The following SH2D4B variants were observed in gnomAD, a reference collection of about 807,000 sequenced individuals.
SH2D4B encodes the protein SH2 domain-containing protein 4B.
SH2D4B carries 45 observed loss-of-function variants against 61.5 expected under a neutral mutation model. The ratio of observed to expected loss-of-function variants is 0.73; its 90% CI spans 0.58 to 0.94. The LOEUF is 0.94. Ranked by LOEUF, SH2D4B falls within the 40% of genes least tolerant of loss-of-function variation. The probability of loss-of-function intolerance (pLI) is 0.00; values close to 1 mark genes in which losing one functional copy is unlikely to be tolerated. For synonymous variants in SH2D4B, 224 were observed against 220.4 expected (o/e 1.02, Z -0.14); for missense variants, 572 against 574.2 (o/e 1.00, Z 0.04).
intron 7 of SH2D4B, among the ~76,000 whole-genome samples, chr10:80,639,066 G>A (rs941635351): frequency 1.3e-5 from 2 of 152,208 alleles, no homozygotes; most frequent in African/African-American, 2.4e-5. Context: ...TCAGGAGCAG[G>A]TTGTTCAGTT....
intron 6 of SH2D4B, among the ~76,000 whole-genome samples, chr10:80,625,202 C>T (rs897773463): frequency 3.9e-5 from 6 of 151,922 alleles, no homozygotes; most frequent in African/African-American, 1.5e-4. Context: ...CATTTTTCCA[C>T]CTCTGTTATT....
chr10:80,552,705 C>G (rs1841777780), intron 1 of SH2D4B, among the ~76,000 whole-genome samples: 1 of 152,190 alleles, frequency 6.6e-6, no homozygotes, highest in African/African-American at 2.4e-5. Context: ...TACTGCTTTC[C>G]AGGTTTTTCT....
chr10:80,626,716 T>C (rs74979154), intron 6 of SH2D4B, among the ~76,000 whole-genome samples: 4,858 of 152,308 alleles, frequency 0.032, 281 homozygotes, highest in African/African-American at 0.11. Flanking sequence ...AGAATCTATC[T>C]GGCCTTCAAG....
intron 5 of SH2D4B, among the ~76,000 whole-genome samples, chr10:80,604,423 A>G (rs1842492038): frequency 6.6e-6 from 1 of 152,164 alleles, no homozygotes; most frequent in Non-Finnish European, 1.5e-5. Context: ...GGCCACCCCA[A>G]GGTTTGGCCT....
chr10:80,640,244 G>A (rs1390520933), intron 7 of SH2D4B, among the ~76,000 whole-genome samples: 1 of 152,120 alleles, frequency 6.6e-6, no homozygotes. Flanking sequence ...TTCAACCTTG[G>A]TGAATCTGAC....
rs1368704405 is a variant in SH2D4B at position 80,617,922 on chromosome 10, C to G, written c.988+8371C>G. Among the ~76,000 whole-genome samples the G allele has an allele frequency of 2.6e-5, 4 of 152,226 alleles. No individual in the cohort carries two copies. In the East Asian group the frequency reaches 5.8e-4, roughly 22 times the overall value. On this transcript the variant is annotated intron_variant, in intron 6 of 7. Coordinates refer to ENST00000646907, the MANE Select transcript of SH2D4B (RefSeq NM_001388272.1). ...GTCCCAATAGTCTGCTTTGTTGGGT[C>G]TGGGTTGGTCATATGTTCACTTCTG...
intron 1 of SH2D4B, 35 bp from the exon 2 acceptor site, chr10:80,570,119 C>G: frequency 1.2e-6 from 2 of 1,613,256 alleles, no homozygotes; most frequent in Non-Finnish European, 1.7e-6. Context: ...GATTGAAAAT[C>G]AAACTTGTTT....
chr10:80,604,880 G>A (rs1026507876), intron 5 of SH2D4B, among the ~76,000 whole-genome samples: 3 of 151,398 alleles, frequency 2.0e-5, no homozygotes, highest in Admixed American at 6.6e-5. Context: ...TGCAAGCTCC[G>A]CCTTCCAGAT....
intron 6 of SH2D4B, among the ~76,000 whole-genome samples, chr10:80,630,684 AC>A (rs1216620636): frequency 6.6e-6 from 1 of 152,186 alleles, no homozygotes; most frequent in African/African-American, 2.4e-5. Flanking sequence ...TCTTTTCCTA[AC>A]TTGCACAAAG....
At chr10:80,633,694 G>T (rs146068923) in intron 6 of SH2D4B, among the ~76,000 whole-genome samples, 14 of 152,224 alleles carry the variant, frequency 9.2e-5, no homozygotes, top group Non-Finnish European at 2.1e-4. Flanking sequence ...GTGTAGGAGT[G>T]CAAGTCCTTA....
At chr10:80,600,520 C>CGTGTGTGTGTGT (rs769408150) in intron 4 of SH2D4B, among the ~76,000 whole-genome samples, 6,815 of 133,668 alleles carry the variant, frequency 0.051, 214 homozygotes, top group Non-Finnish European at 0.077. Context: ...TGCAGAGTGG[C>CGTGTGTGTGTGT]ATGTGTGTGT....
At chr10:80,583,639 C>T (rs543992552) in intron 3 of SH2D4B, among the ~76,000 whole-genome samples, 1 of 152,088 alleles carries the variant, frequency 6.6e-6, no homozygotes, top group Non-Finnish European at 1.5e-5. Flanking sequence ...CACTGTACTC[C>T]AGCCTGGGTG....
intron 6 of SH2D4B, among the ~76,000 whole-genome samples, chr10:80,613,996 C>T (rs1842631678): frequency 1.3e-5 from 2 of 152,122 alleles, no homozygotes; most frequent in Admixed American, 6.5e-5. Flanking sequence ...TTAATGATTA[C>T]TTCGGGAATG....
chr10:80,639,664 C>T (rs1262829985), intron 7 of SH2D4B, among the ~76,000 whole-genome samples: 1 of 152,116 alleles, frequency 6.6e-6, no homozygotes, highest in Non-Finnish European at 1.5e-5. Context: ...TATTTTGAGC[C>T]TATGTGTGTC....
chr10:80,584,134 G>C (rs752646206), intron 3 of SH2D4B, among the ~76,000 whole-genome samples: 1 of 152,228 alleles, frequency 6.6e-6, no homozygotes, highest in South Asian at 2.1e-4. Context: ...GACATTTCCA[G>C]ACAAGACTCA....
chr10:80,631,786 G>A (rs1042073491), intron 6 of SH2D4B, among the ~76,000 whole-genome samples: 2 of 152,210 alleles, frequency 1.3e-5, no homozygotes, highest in Non-Finnish European at 2.9e-5. Context: ...TGGAATGGTG[G>A]TTACCGGGGC....
intron 6 of SH2D4B, among the ~76,000 whole-genome samples, chr10:80,617,867 C>A (rs1238416169): frequency 1.3e-5 from 2 of 152,222 alleles, no homozygotes; most frequent in Admixed American, 1.3e-4. Context: ...GAAGAAAGGG[C>A]CTGCTTGTCT....
intron 1 of SH2D4B, among the ~76,000 whole-genome samples, chr10:80,567,114 GC>G (rs373310221): frequency 2.0e-4 from 31 of 152,306 alleles, no homozygotes; most frequent in South Asian, 1.9e-3. Flanking sequence ...GGATCAGGCT[GC>G]TTTTTTTCCG....
intron 5 of SH2D4B, among the ~76,000 whole-genome samples, chr10:80,606,391 T>C (rs1842520304): frequency 6.6e-6 from 1 of 152,124 alleles, no homozygotes; most frequent in African/African-American, 2.4e-5. Flanking sequence ...TCACCCAGGC[T>C]GGAGTGCAGT....
Sources: gnomAD v4.1 joint callset for allele counts (sites outside exome capture counted in the v4.1 genomes callset) on GRCh38, gnomAD v4.1.1 for gene constraint, MANE v1.5 for transcripts, NCBI Gene and HGNC (gene_info 2026-07-23, HGNC 2026-07-21) for gene names.